ELF5: variants seen among roughly 807,000 people sequenced by gnomAD.
ELF5 encodes E74 like ETS transcription factor 5, also known as ETS-related transcription factor Elf-5.
ELF5 carries 31 observed loss-of-function variants against 38.2 expected under a neutral mutation model. The ratio of observed to expected loss-of-function variants is 0.81; its 90% CI spans 0.61 to 1.10. The LOEUF (loss-of-function observed/expected upper bound fraction) is 1.10, where lower values mean the gene tolerates loss of function less well. ELF5 is among the 50% of genes least tolerant of loss of function. ELF5 has a pLI of 0.00. For synonymous variants in ELF5, 121 were observed against 112.5 expected (o/e 1.08, Z -0.48); for missense variants, 300 against 306.6 (o/e 0.98, Z 0.16).
At chr11:34,481,675 C>T (rs11032718) in intron 5 of ELF5, among the ~76,000 whole-genome samples, 44,929 of 152,074 alleles carry the variant, frequency 0.3, 8,736 homozygotes, top group Non-Finnish European at 0.42. Flanking sequence ...CCTGCAAATT[C>T]GTTTTTCATG....
chr11:34,499,874 A>T (rs1850415695), intron 2 of ELF5, among the ~76,000 whole-genome samples: 1 of 152,170 alleles, frequency 6.6e-6, no homozygotes, highest in African/African-American at 2.4e-5. Flanking sequence ...TTGGCTCTTC[A>T]ATGGATTAGC....
chr11:34,497,982 A>C (rs1850356714), intron 2 of ELF5, among the ~76,000 whole-genome samples: 1 of 152,194 alleles, frequency 6.6e-6, no homozygotes, highest in Non-Finnish European at 1.5e-5. Flanking sequence ...ATCTGGAAAA[A>C]AGCAACCCTG....
chr11:34,487,088 C>T (rs1850016978), intron 4 of ELF5, among the ~76,000 whole-genome samples: 1 of 151,998 alleles, frequency 6.6e-6, no homozygotes. Context: ...GCCCATCAAA[C>T]TATCCATTAG....
At chr11:34,494,104 C>T (rs527689486) in intron 2 of ELF5, among the ~76,000 whole-genome samples, 31 of 152,328 alleles carry the variant, frequency 2.0e-4, no homozygotes, top group Non-Finnish European at 3.7e-4. Context: ...TACCACTTTC[C>T]GCTTGGCAAG....
chr11:34,506,991 ACT>A (rs1850628670), intron 1 of ELF5, among the ~76,000 whole-genome samples: 1 of 152,212 alleles, frequency 6.6e-6, no homozygotes, highest in Non-Finnish European at 1.5e-5. Flanking sequence ...AGTTTTATAT[ACT>A]GTTTCATACA....
At chr11:34,490,094 T>G (rs779404000) in intron 3 of ELF5, 35 bp from the exon 4 acceptor site, 50 of 1,611,514 alleles carry the variant, frequency 3.1e-5, no homozygotes, top group Non-Finnish European at 3.8e-5. Flanking sequence ...AACCATACCA[T>G]GCAATCCTGG....
intron 2 of ELF5, among the ~76,000 whole-genome samples, chr11:34,500,958 T>A (rs1459662101): frequency 3.4e-5 from 5 of 148,908 alleles, no homozygotes; most frequent in African/African-American, 1.2e-4. Context: ...GAGCACTTAG[T>A]ATGTGCCCGT....
At chr11:34,496,658 C>G (rs1850329153) in intron 2 of ELF5, among the ~76,000 whole-genome samples, 1 of 152,224 alleles carries the variant, frequency 6.6e-6, no homozygotes, top group Non-Finnish European at 1.5e-5. Context: ...TCCTCCTCAT[C>G]CCTCCCCTCC....
At chr11:34,491,052 A>G (rs1850159774) in intron 3 of ELF5, among the ~76,000 whole-genome samples, 2 of 152,120 alleles carry the variant, frequency 1.3e-5, no homozygotes, top group Admixed American at 1.3e-4. Flanking sequence ...ACCCCCTTCC[A>G]GCTCCTCTCC....
chr11:34,511,763 C>T, intron 1 of ELF5: 1 of 618,310 alleles, frequency 1.6e-6, no homozygotes, highest in Non-Finnish European at 2.8e-6. Flanking sequence ...CCCTGCTCAG[C>T]CTCCCAGAGA....
intron 2 of ELF5, among the ~76,000 whole-genome samples, chr11:34,501,193 T>A (rs1850458062): frequency 6.6e-6 from 1 of 152,142 alleles, no homozygotes; most frequent in Non-Finnish European, 1.5e-5. Context: ...AGAATTAAAG[T>A]GGAGAAGCAT....
At chr11:34,481,262 G>A (rs1218078869) in intron 5 of ELF5, among the ~76,000 whole-genome samples, 1 of 152,072 alleles carries the variant, frequency 6.6e-6, no homozygotes, top group Admixed American at 6.5e-5. Flanking sequence ...GACCTCAGGT[G>A]TTGTACCCGC....
intron 6 of ELF5, 40 bp downstream of exon 6, chr11:34,480,730 ACT>A: frequency 2.5e-6 from 4 of 1,597,474 alleles, no homozygotes; most frequent in Non-Finnish European, 3.4e-6. Flanking sequence ...ATTGTATATA[ACT>A]CTTCTTGAAG....
intron 2 of ELF5, among the ~76,000 whole-genome samples, 196 bp from the exon 3 acceptor site, chr11:34,493,908 A>G (rs957313906): frequency 6.6e-5 from 10 of 152,306 alleles, no homozygotes; most frequent in Non-Finnish European, 8.8e-5. Flanking sequence ...GATCCTACAG[A>G]TGAACTTTGG....
At chr11:34,487,436 G>T (rs1294672137) in intron 4 of ELF5, among the ~76,000 whole-genome samples, 2 of 152,074 alleles carry the variant, frequency 1.3e-5, no homozygotes, top group Admixed American at 6.5e-5. Flanking sequence ...CCCATCGCTG[G>T]GTCCAGGCCA....
rs570283077 is a variant in ELF5 at position 34,505,681 on chromosome 11, C to T, written c.69G>A (p.Trp23Ter). Residue 23 changes from tryptophan (W) to a stop codon, truncating the protein, a stop_gained, in exon 2 of 7, where the codon TGG becomes TGA. Coordinates refer to ENST00000257832, the MANE Select transcript of ELF5 (RefSeq NM_001422.4). LOFTEE classifies it high-confidence loss of function. Reference protein sequence around the residue: ...NASFCDPLMSWTDLFSNEEYY... With the variant: ...NASFCDPLMS ...ACTCTTCATTGCTGAACAGATCAGT[C>T]CACGACATCAGGGGATCGCAGAAGG... 1 of 1,614,116 alleles carries T rather than the reference C, an allele frequency of 6.2e-7. No individual in the cohort carries two copies. The highest frequency in any genetic ancestry group is 2.2e-5 in the East Asian group (1 of 44,876).
chr11:34,491,015 C>T (rs2146962), intron 3 of ELF5, among the ~76,000 whole-genome samples: 1 of 151,858 alleles, frequency 6.6e-6, no homozygotes, highest in South Asian at 2.1e-4. Context: ...CAATACCTAC[C>T]GAGCTGGATG....
chr11:34,481,004 G>A lies in ELF5; in HGVS notation c.476-37C>T, dbSNP rs145659643. On this transcript the variant is annotated intron_variant, in intron 5 of 6. Transcript: ENST00000257832. ...GGGAAAACATTAACTATTTACCATT[G>A]TTTTTTAAATTAATTAATTAATTAA... 2,236 of 1,418,100 alleles carry A rather than the reference G, an allele frequency of 1.6e-3. 31 individuals carry two copies. In the African/African-American group the frequency reaches 0.028, roughly 18 times the overall value. The allele number at this position is 1,418,100 out of a possible 1,614,324, so 87.8% of individuals were successfully genotyped here.
At chr11:34,484,481 A>ATCCT (rs111444312) in intron 4 of ELF5, among the ~76,000 whole-genome samples, 16 of 115,922 alleles carry the variant, frequency 1.4e-4, no homozygotes, top group East Asian at 1.2e-3. Flanking sequence ...ACACTATACT[A>ATCCT]ACTATACTAT....
Sources: allele counts gnomAD v4.1 joint callset (sites outside exome capture counted in the v4.1 genomes callset), GRCh38; gene constraint gnomAD v4.1.1; transcripts MANE v1.5; gene names NCBI Gene and HGNC (gene_info 2026-07-23, HGNC 2026-07-21).